MRPS28: variants seen among roughly 807,000 people sequenced by gnomAD.
MRPS28 encodes the protein small ribosomal subunit protein bS1m.
In MRPS28, 7 loss-of-function variants were observed where a neutral mutation model predicts 10.8. The observed-to-expected ratio is 0.65, with a 90% CI of 0.37 to 1.22. The LOEUF (loss-of-function observed/expected upper bound fraction) is 1.22. MRPS28 is among the 50% of genes most tolerant of loss of function. The probability of loss-of-function intolerance (pLI) is 0.02; values close to 1 mark genes in which losing one functional copy is unlikely to be tolerated. For synonymous variants in MRPS28, 121 were observed against 93.3 expected (o/e 1.30, Z -1.71); for missense variants, 265 against 232.9 (o/e 1.14, Z -0.90).
At chr8:79,923,475 GC>G (rs1810146962) in intron 2 of MRPS28, among the ~76,000 whole-genome samples, 1 of 151,990 alleles carries the variant, frequency 6.6e-6, no homozygotes, top group Non-Finnish European at 1.5e-5. Context: ...TAGAAAAATG[GC>G]TACTTTCAAA....
At chr8:80,004,358 T>G (rs1452769357) in intron 1 of MRPS28, among the ~76,000 whole-genome samples, 3 of 152,232 alleles carry the variant, frequency 2.0e-5, no homozygotes, top group African/African-American at 7.2e-5. Context: ...CCTCTGCTGC[T>G]GATACCCAGG....
chr8:79,980,807 A>T (rs996901306), intron 2 of MRPS28, among the ~76,000 whole-genome samples: 1 of 152,244 alleles, frequency 6.6e-6, no homozygotes, highest in Non-Finnish European at 1.5e-5. Context: ...TGATTTTCTT[A>T]AAGTGACTTA....
intron 2 of MRPS28, among the ~76,000 whole-genome samples, chr8:79,982,597 G>A (rs573327928): frequency 3.9e-5 from 6 of 152,246 alleles, no homozygotes; most frequent in South Asian, 4.2e-4. Context: ...AAAAAACGGC[G>A]CACCAGGAGA....
chr8:79,984,364 A>G (rs1023786795), intron 2 of MRPS28, among the ~76,000 whole-genome samples: 26 of 152,374 alleles, frequency 1.7e-4, no homozygotes, highest in African/African-American at 6.3e-4. Context: ...AAACTGCATC[A>G]ACTAACGAGC....
At chr8:79,993,832 A>C (rs930263545) in intron 2 of MRPS28, among the ~76,000 whole-genome samples, 2 of 152,194 alleles carry the variant, frequency 1.3e-5, no homozygotes, top group Admixed American at 6.5e-5. Context: ...TTAGTTTTTG[A>C]AACATCCAAC....
intron 2 of MRPS28, among the ~76,000 whole-genome samples, chr8:79,978,137 A>G (rs1807851417): frequency 6.6e-6 from 1 of 152,200 alleles, no homozygotes; most frequent in African/African-American, 2.4e-5. Context: ...CTGACAGCTT[A>G]TGGTTGACAA....
chr8:79,978,167 T>C (rs1807851957), intron 2 of MRPS28, among the ~76,000 whole-genome samples: 2 of 152,146 alleles, frequency 1.3e-5, no homozygotes, highest in African/African-American at 2.4e-5. Context: ...TGAATTTAAG[T>C]GAACTTAATT....
chr8:80,016,964 C>T (rs1381010737), intron 1 of MRPS28, among the ~76,000 whole-genome samples: 1 of 152,142 alleles, frequency 6.6e-6, no homozygotes, highest in African/African-American at 2.4e-5. Flanking sequence ...TGATGGACAT[C>T]TGTAGACAAT....
At chr8:79,953,012 G>A (rs1463949747) in intron 2 of MRPS28, among the ~76,000 whole-genome samples, 1 of 152,156 alleles carries the variant, frequency 6.6e-6, no homozygotes, top group Non-Finnish European at 1.5e-5. Flanking sequence ...GAGAAGCCAT[G>A]GAGCTGAAGT....
At chr8:80,000,798 G>C (rs117353549) in intron 2 of MRPS28, among the ~76,000 whole-genome samples, 2,353 of 152,256 alleles carry the variant, frequency 0.015, 37 homozygotes, top group African/African-American at 0.034. Context: ...GGCTGAGGTG[G>C]GAGGATTGCT....
chr8:79,939,977 TA>T (rs11443456), intron 2 of MRPS28, among the ~76,000 whole-genome samples: 47 of 140,602 alleles, frequency 3.3e-4, no homozygotes, highest in Middle Eastern at 3.6e-3. Flanking sequence ...CCGTCTCAAA[TA>T]AAAAAAAAAA....
At chr8:79,939,120 T>C (rs1449533575) in intron 2 of MRPS28, among the ~76,000 whole-genome samples, 1 of 152,184 alleles carries the variant, frequency 6.6e-6, no homozygotes, top group Non-Finnish European at 1.5e-5. Context: ...CACCCAACTT[T>C]CACTAATGAT....
intron 2 of MRPS28, among the ~76,000 whole-genome samples, chr8:79,991,180 T>G (rs891509325): frequency 6.6e-6 from 1 of 152,190 alleles, no homozygotes; most frequent in African/African-American, 2.4e-5. Context: ...GACTCTTGGC[T>G]TTCTGGACTA....
chr8:79,945,755 A>T (rs1394366408), intron 2 of MRPS28, among the ~76,000 whole-genome samples: 1 of 152,212 alleles, frequency 6.6e-6, no homozygotes, highest in Non-Finnish European at 1.5e-5. Context: ...TTACTTCAAA[A>T]TTTTCAAAAC....
At position 80,015,620 on chromosome 8, in the gene MRPS28, A is replaced by G. The variant is rs185257835; in HGVS notation, c.214-12440T>C. Among the ~76,000 whole-genome samples, 19 of 152,312 alleles carry G rather than the reference A, an allele frequency of 1.2e-4. No individual in the cohort carries two copies. In the East Asian group the frequency reaches 2.5e-3, roughly 20 times the overall value. On this transcript the variant is annotated intron_variant, in intron 1 of 2. Coordinates refer to ENST00000276585, the MANE Select transcript of MRPS28 (RefSeq NM_014018.3). ...GACAGCCATTCCTTTTACCCAATAC[A>G]TCATGCCCAGCTATCAAAAAGAAAT...
intron 2 of MRPS28, among the ~76,000 whole-genome samples, chr8:79,929,040 C>T (rs946930281): frequency 3.3e-5 from 5 of 151,904 alleles, no homozygotes; most frequent in South Asian, 2.1e-4. Flanking sequence ...AGCGAGACTC[C>T]GTCTCACAAA....
intron 2 of MRPS28, among the ~76,000 whole-genome samples, chr8:79,975,113 C>T (rs1430032328): frequency 6.6e-6 from 1 of 152,014 alleles, no homozygotes; most frequent in East Asian, 1.9e-4. Flanking sequence ...AGTGAGACAA[C>T]CCCCACCCCA....
chr8:80,005,791 T>C (rs1012747402), intron 1 of MRPS28, among the ~76,000 whole-genome samples: 42 of 152,052 alleles, frequency 2.8e-4, no homozygotes, highest in African/African-American at 8.5e-4. Context: ...TGGAGGAAGA[T>C]CTACCAAGCA....
chr8:80,029,710 T>C, intron 1 of MRPS28: 1 of 1,403,104 alleles, frequency 7.1e-7, no homozygotes, highest in Non-Finnish European at 9.4e-7. Context: ...CTCCTTAGCG[T>C]CCCAGGAATC....
Sources: gnomAD v4.1 joint callset for allele counts (sites outside exome capture counted in the v4.1 genomes callset) on GRCh38, gnomAD v4.1.1 for gene constraint, MANE v1.5 for transcripts, NCBI Gene and HGNC (gene_info 2026-07-23, HGNC 2026-07-21) for gene names.